STAB2: variants seen among roughly 807,000 people sequenced by gnomAD.
STAB2 encodes the protein stabilin-2.
In STAB2, 288 loss-of-function variants were observed where a neutral mutation model predicts 338.1. The ratio of observed to expected loss-of-function variants is 0.85; its 90% CI spans 0.77 to 0.94. The LOEUF (loss-of-function observed/expected upper bound fraction) is 0.94. STAB2 is among the 40% of genes least tolerant of loss of function. STAB2 has a pLI of 0.00. For synonymous variants in STAB2, 1,202 were observed against 1,193.3 expected, an observed-to-expected ratio of 1.01 and a Z score of -0.15; for missense variants, 3,141 against 3,210.1, an observed-to-expected ratio of 0.98 and a Z score of 0.52.
At chr12:103,618,262 C>T (rs963670592) in intron 3 of STAB2, among the ~76,000 whole-genome samples, 8 of 152,148 alleles carry the variant, frequency 5.3e-5, no homozygotes, top group Admixed American at 1.3e-4. Context: ...TTAGTGCCCT[C>T]ATAAAAGAGA....
chr12:103,632,821 AACTC>A (rs957942796), intron 6 of STAB2, among the ~76,000 whole-genome samples: 4 of 152,278 alleles, frequency 2.6e-5, no homozygotes, highest in East Asian at 1.9e-4. Context: ...GTGAAGGAGA[AACTC>A]ACAGGATGGC....
chr12:103,679,387 G>A (rs76174316), intron 25 of STAB2, among the ~76,000 whole-genome samples: 2,556 of 151,964 alleles, frequency 0.017, 80 homozygotes, highest in African/African-American at 0.059. Context: ...AAAAAAAAAG[G>A]GGGGTCAACA....
At chr12:103,678,120 A>C (rs1200465548) in intron 25 of STAB2, among the ~76,000 whole-genome samples, 1 of 152,204 alleles carries the variant, frequency 6.6e-6, no homozygotes, top group Non-Finnish European at 1.5e-5. Context: ...CTCTTTCCAC[A>C]GGTAGGACCA....
In STAB2 at chr12:103,705,789, G is replaced by GT. The variant is rs1428635816; in HGVS notation, c.3996+63dup. 6 of 1,513,686 alleles carry GT rather than the reference G, an allele frequency of 4.0e-6. No individual in the cohort carries two copies. In the Middle Eastern group the frequency reaches 6.8e-4, roughly 173 times the overall value. The allele number at this position is 1,513,686 out of a possible 1,614,324, so 93.8% of individuals were successfully genotyped here. A position where few individuals can be genotyped will look rare whatever the true frequency, so the allele number is the denominator to read the frequency against. ...CACCATTGGGAAAATCCATCATATG[G>GT]TATCCTTTTCAAAATCCCTGTGCAG... On this transcript the variant is annotated intron_variant, in intron 37 of 68. Coordinates refer to ENST00000388887, the MANE Select transcript of STAB2 (RefSeq NM_017564.10).
intron 45 of STAB2, 21 bp downstream of exon 45, chr12:103,725,115 A>G (rs771967007): frequency 2.5e-6 from 4 of 1,603,598 alleles, no homozygotes; most frequent in South Asian, 2.2e-5. Flanking sequence ...ACATGTTTCC[A>G]TCAAGTAAAC....
At chr12:103,588,868 CAATA>C (rs1165705426) in intron 1 of STAB2, among the ~76,000 whole-genome samples, 1 of 152,152 alleles carries the variant, frequency 6.6e-6, no homozygotes, top group Non-Finnish European at 1.5e-5. Context: ...TGTTATTACT[CAATA>C]AAGAACCTTC....
chr12:103,705,974 G>A (rs1243213362), intron 37 of STAB2, among the ~76,000 whole-genome samples: 1 of 152,228 alleles, frequency 6.6e-6, no homozygotes, highest in Non-Finnish European at 1.5e-5. Flanking sequence ...GAGAGTCCGA[G>A]AGGCTAATGG....
chr12:103,737,607 T>C (rs913576977), intron 52 of STAB2, 27 bp from the exon 53 acceptor site: 1 of 162,452 alleles, frequency 6.2e-6, no homozygotes, highest in African/African-American at 1.2e-4. Flanking sequence ...TCTCTTTCTC[T>C]TTTTTTTTTT....
At chr12:103,688,313 G>A (rs971823922) in intron 28 of STAB2, 98 bp downstream of exon 28, 60 of 1,152,108 alleles carry the variant, frequency 5.2e-5, no homozygotes, top group Non-Finnish European at 7.4e-5. Context: ...GGTAAGGAGT[G>A]TAGGCAATTG....
chr12:103,657,809 A>G (rs895583438), intron 15 of STAB2: 5 of 152,164 alleles, frequency 3.3e-5, no homozygotes, highest in South Asian at 2.1e-4. Context: ...ATTTTTCTCA[A>G]CCTATAGGAA....
intron 39 of STAB2, among the ~76,000 whole-genome samples, chr12:103,710,520 C>A (rs897485970): frequency 3.3e-5 from 5 of 152,198 alleles, no homozygotes; most frequent in African/African-American, 1.2e-4. Context: ...GGGCACCCAA[C>A]CCTTCTCAAA....
chr12:103,737,601 T>TC (rs1555250735), intron 52 of STAB2, 33 bp from the exon 53 acceptor site: 122 of 1,164,656 alleles, frequency 1.0e-4, no homozygotes, highest in African/African-American at 3.5e-4. Context: ...TCTCTCTCTC[T>TC]TTCTCTTTTT....
chr12:103,708,515 C>G lies in STAB2; in HGVS notation c.4267C>G (p.Arg1423Gly). ...CTCCTGTGACTGTGATGTTGGCTGG[C>G]GAGGAGTGCATTGTGACAATGGTAA... The part of the protein sequence containing the change: ...DGSCDCDVGW[R>G]GVHCDNATTE... Residue 1423 changes from arginine (R) to glycine (G), a missense_variant, in exon 39 of 69, where the codon CGA becomes GGA. Arg to Gly is a moderately radical substitution (Grantham distance 125). Coordinates refer to ENST00000388887, the MANE Select transcript of STAB2 (RefSeq NM_017564.10). The G allele has an allele frequency of 6.2e-7, 1 of 1,613,978 alleles. No homozygotes were observed.
In STAB2 at chr12:103,654,541, C is replaced by G. The variant is rs764338688; in HGVS notation, c.1408-14C>G. 3.7e-6 allele frequency: 6 copies of G among 1,612,062 alleles called. No homozygotes were observed. The Admixed American group carries it at 5.0e-5, about 13-fold the overall frequency. On this transcript the variant is annotated splice_polypyrimidine_tract_variant and intron_variant, in intron 12 of 68. Transcript: ENST00000388887. ...ACCATAGTAATCTTATTTTATCTTT[C>G]TTTGGTGTTTTAGGACAATCAAATA...
intron 18 of STAB2, 43 bp from the exon 19 acceptor site, chr12:103,666,248 T>C: frequency 6.2e-7 from 1 of 1,600,156 alleles, no homozygotes; most frequent in Non-Finnish European, 8.6e-7. Flanking sequence ...CACTGCTCCC[T>C]CTCATAGGGA....
chr12:103,668,320 G>A (rs565878729), intron 19 of STAB2, among the ~76,000 whole-genome samples: 8 of 152,318 alleles, frequency 5.3e-5, no homozygotes, highest in South Asian at 4.1e-4. Flanking sequence ...GCTATAGATC[G>A]GAAGGGGAGA....
chr12:103,611,405 G>A (rs1297758378), intron 3 of STAB2, among the ~76,000 whole-genome samples: 1 of 152,148 alleles, frequency 6.6e-6, no homozygotes, highest in African/African-American at 2.4e-5. Context: ...AGGATAGTTA[G>A]CTCTTCTTGT....
intron 3 of STAB2, among the ~76,000 whole-genome samples, chr12:103,602,341 T>A (rs1956966305): frequency 6.6e-6 from 1 of 152,226 alleles, no homozygotes; most frequent in African/African-American, 2.4e-5. Flanking sequence ...ATTCTGTGGC[T>A]AGACACAGTT....
At chr12:103,752,905 T>A (rs1883790878) in intron 60 of STAB2, among the ~76,000 whole-genome samples, 1 of 152,132 alleles carries the variant, frequency 6.6e-6, no homozygotes, top group Non-Finnish European at 1.5e-5. Context: ...TAAAGTAAAA[T>A]TCTAGAAGGA....
Sources: allele counts gnomAD v4.1 joint callset (sites outside exome capture counted in the v4.1 genomes callset), GRCh38; gene constraint gnomAD v4.1.1; transcripts MANE v1.5; gene names NCBI Gene and HGNC (gene_info 2026-07-23, HGNC 2026-07-21).